Variants in SGMS1 observed in about 807,000 individuals in gnomAD.
The protein encoded by SGMS1 is phosphatidylcholine:ceramide cholinephosphotransferase 1.
Under a neutral mutation model 46.2 loss-of-function variants are expected in SGMS1, and 13 were observed. That is an observed-to-expected ratio of 0.28 (90% confidence interval 0.18 to 0.45). The LOEUF (loss-of-function observed/expected upper bound fraction) is 0.45. SGMS1 is among the 20% of genes least tolerant of loss of function. The probability of loss-of-function intolerance (pLI) is 1.00; values close to 1 mark genes in which losing one functional copy is unlikely to be tolerated. For missense variants in SGMS1, 324 were observed against 519.9 expected (o/e 0.62, Z 3.66); for synonymous variants, 203 against 187.8 (o/e 1.08, Z -0.66).
At chr10:50,427,977 G>A (rs898025883) in intron 6 of SGMS1, among the ~76,000 whole-genome samples, 2 of 152,112 alleles carry the variant, frequency 1.3e-5, no homozygotes, top group East Asian at 3.9e-4. Flanking sequence ...GTGAATGAGA[G>A]AGAGAGAGAA....
chr10:50,355,597 T>A (rs1307185087), intron 6 of SGMS1, among the ~76,000 whole-genome samples: 2 of 152,114 alleles, frequency 1.3e-5, no homozygotes, highest in African/African-American at 4.8e-5. Flanking sequence ...CAGGCTGGAG[T>A]GCAGTGGCGT....
intron 6 of SGMS1, among the ~76,000 whole-genome samples, chr10:50,369,641 A>G (rs1320279956): frequency 1.3e-5 from 2 of 152,220 alleles, no homozygotes; most frequent in African/African-American, 4.8e-5. Context: ...AGACATATTA[A>G]AACAACAGCA....
At chr10:50,339,764 G>A (rs1847782084) in intron 7 of SGMS1, among the ~76,000 whole-genome samples, 1 of 152,186 alleles carries the variant, frequency 6.6e-6, no homozygotes, top group African/African-American at 2.4e-5. Flanking sequence ...TTCCCCTTGA[G>A]GAACTTACAA....
chr10:50,383,955 A>T (rs1848645512), intron 6 of SGMS1, among the ~76,000 whole-genome samples: 1 of 152,170 alleles, frequency 6.6e-6, no homozygotes, highest in Non-Finnish European at 1.5e-5. Context: ...TCATGATAGC[A>T]GAGCCATCAT....
chr10:50,451,075 T>C (rs1837103399), intron 5 of SGMS1, among the ~76,000 whole-genome samples: 1 of 152,134 alleles, frequency 6.6e-6, no homozygotes, highest in African/African-American at 2.4e-5. Flanking sequence ...ATTTCCAATA[T>C]GAAGTAAACA....
intron 6 of SGMS1, among the ~76,000 whole-genome samples, chr10:50,416,681 T>A (rs1849173689): frequency 6.6e-6 from 1 of 152,152 alleles, no homozygotes; most frequent in African/African-American, 2.4e-5. Flanking sequence ...AGCCATTTGA[T>A]CAGTTCAACT....
chr10:50,506,531 C>A (rs2133765649), intron 3 of SGMS1, among the ~76,000 whole-genome samples: 1 of 152,208 alleles, frequency 6.6e-6, no homozygotes, highest in South Asian at 2.1e-4. Flanking sequence ...CCTAAGTGAG[C>A]CATTCAGACC....
intron 2 of SGMS1, among the ~76,000 whole-genome samples, chr10:50,586,772 A>G (rs893727145): frequency 1.3e-5 from 2 of 152,220 alleles, no homozygotes; most frequent in Non-Finnish European, 2.9e-5. Flanking sequence ...TTCCTCCCTC[A>G]TATCACAGCA....
chr10:50,448,835 T>C (rs1837062812), intron 5 of SGMS1, among the ~76,000 whole-genome samples: 2 of 149,892 alleles, frequency 1.3e-5, no homozygotes, highest in South Asian at 4.2e-4. Context: ...TTATCCAAAA[T>C]ATTCAAAGAA....
At chr10:50,430,430 G>T (rs1849391630) in intron 6 of SGMS1, among the ~76,000 whole-genome samples, 1 of 140,000 alleles carries the variant, frequency 7.1e-6, no homozygotes, top group South Asian at 2.2e-4. Context: ...GGAAAATAAA[G>T]CATGTATCTA....
intron 6 of SGMS1, among the ~76,000 whole-genome samples, chr10:50,398,797 A>C (rs182516426): frequency 6.6e-6 from 1 of 151,960 alleles, no homozygotes; most frequent in Admixed American, 6.6e-5. Context: ...GAATGGAAAA[A>C]ATATATATAT....
intron 2 of SGMS1, among the ~76,000 whole-genome samples, chr10:50,583,969 G>A (rs1385623249): frequency 3.3e-5 from 5 of 152,192 alleles, no homozygotes; most frequent in Non-Finnish European, 4.4e-5. Flanking sequence ...CAAGGAATCT[G>A]GCCTATCAAA....
At chr10:50,528,669 T>C (rs1345269431) in intron 2 of SGMS1, among the ~76,000 whole-genome samples, 1 of 152,072 alleles carries the variant, frequency 6.6e-6, no homozygotes, top group Non-Finnish European at 1.5e-5. Context: ...GAAGCCAAGG[T>C]GAAAGGATCG....
chr10:50,372,953 A>AC (rs1418852403), intron 6 of SGMS1, among the ~76,000 whole-genome samples: 2 of 151,934 alleles, frequency 1.3e-5, no homozygotes, highest in East Asian at 3.9e-4. Flanking sequence ...AATATAAAAA[A>AC]AATATTCAAA....
chr10:50,466,819 A>T (rs1837334173), intron 4 of SGMS1, 71 bp downstream of exon 4: 1 of 152,200 alleles, frequency 6.6e-6, no homozygotes, highest in Non-Finnish European at 1.5e-5. Context: ...GTTTGTTTAG[A>T]TCCTCTCATT....
At chr10:50,316,910 C>T (rs939728069) in intron 8 of SGMS1, among the ~76,000 whole-genome samples, 2 of 152,144 alleles carry the variant, frequency 1.3e-5, no homozygotes, top group Non-Finnish European at 2.9e-5. Flanking sequence ...GCCACTTCCC[C>T]AATTTCAACT....
chr10:50,439,267 C>T (rs1297300868), intron 5 of SGMS1, among the ~76,000 whole-genome samples: 5 of 152,306 alleles, frequency 3.3e-5, no homozygotes, highest in Non-Finnish European at 5.9e-5. Context: ...CAATCATTCT[C>T]AACCACAGAG....
upstream of SGMS1, chr10:50,624,483 C>A: frequency 1.6e-6 from 1 of 620,508 alleles, no homozygotes. Context: ...TCTCATCTTT[C>A]TCCCACAACA....
intron 2 of SGMS1, among the ~76,000 whole-genome samples, chr10:50,553,671 G>A (rs1838167895): frequency 6.6e-6 from 1 of 152,062 alleles, no homozygotes; most frequent in African/African-American, 2.4e-5. Flanking sequence ...ACTGCTTTTA[G>A]GTATCTGACT....
Sources: gnomAD v4.1 joint callset for allele counts (sites outside exome capture counted in the v4.1 genomes callset) on GRCh38, gnomAD v4.1.1 for gene constraint, MANE v1.5 for transcripts, NCBI Gene and HGNC (gene_info 2026-07-23, HGNC 2026-07-21) for gene names.